Variants in CEP43 observed in about 807,000 individuals in gnomAD.
The protein encoded by CEP43 is FGFR1 oncogene partner.
In CEP43, 36 loss-of-function variants were observed where a neutral mutation model predicts 52.6. That is an observed-to-expected ratio of 0.68 (90% CI 0.52 to 0.90). The LOEUF is 0.90. CEP43 is among the 40% of genes least tolerant of loss of function. The pLI is 0.00. For synonymous variants in CEP43, 192 were observed against 172.4 expected (o/e 1.11, Z -0.89); for missense variants, 506 against 472.8 (o/e 1.07, Z -0.65).
At chr6:167,021,644 T>G (rs1170273046) in intron 7 of CEP43, among the ~76,000 whole-genome samples, 32 of 152,224 alleles carry the variant, frequency 2.1e-4, no homozygotes, top group Non-Finnish European at 4.7e-4. Flanking sequence ...AACATCACTC[T>G]GTATCCAAGG....
At chr6:167,020,319 A>C (rs1358961970) in intron 7 of CEP43, among the ~76,000 whole-genome samples, 5 of 152,246 alleles carry the variant, frequency 3.3e-5, no homozygotes, top group African/African-American at 1.2e-4. Context: ...CACAGCATAT[A>C]TCTTGCCTAC....
Position 167,022,417 on chromosome 6 carries a change from T to C in CEP43, c.588T>C (p.Asn196=). Residue 196 remains asparagine, a synonymous_variant, in exon 8 of 13, where the codon AAT becomes AAC. Coordinates refer to ENST00000366847, the MANE Select transcript of CEP43 (RefSeq NM_007045.4). ...SGQKAGDKKA[N]DEANQSDTSV... ...TTTCCCTCTCTTTCTAGAAGGCCAA[T>C]GATGAGGCCAATCAGAGTGATACAA... The C allele has an allele frequency of 6.2e-7, 1 of 1,611,980 alleles. No homozygotes were observed. Among genetic ancestry groups the C allele is most frequent in the Non-Finnish European group, 8.5e-7 (1 of 1,178,314 alleles).
intron 8 of CEP43, among the ~76,000 whole-genome samples, chr6:167,023,529 A>T (rs191135071): frequency 6.6e-6 from 1 of 152,290 alleles, no homozygotes; most frequent in East Asian, 1.9e-4. Context: ...GTTAGAGAAG[A>T]TTGCTAGTGG....
Position 167,022,468 on chromosome 6 carries a change from C to A in CEP43, c.639C>A (p.Ser213Arg), listed in dbSNP as rs1780259300. 2 of 1,613,970 alleles carry A rather than the reference C, an allele frequency of 1.2e-6. No individual in the cohort carries two copies. Among genetic ancestry groups the A allele is most frequent in the South Asian group, 2.2e-5 (2 of 91,080 alleles). Residue 213 changes from serine to arginine, a missense_variant, in exon 8 of 13, where the codon AGC becomes AGA. Coordinates refer to ENST00000366847, the MANE Select transcript of CEP43 (RefSeq NM_007045.4). The part of the protein sequence containing the change: ...DTSVSLSEPK[S>R]KSSLHLLSHE... ...GTGTCTCCTTGTCAGAACCCAAGAG[C>A]AAAAGCAGCCTTCACTTACTGTCCC...
intron 12 of CEP43, chr6:167,036,026 T>A: frequency 1.0e-6 from 1 of 980,542 alleles, no homozygotes; most frequent in Non-Finnish European, 1.2e-6. Context: ...GTAGTCACAA[T>A]AGACATTTCT....
At chr6:167,011,787 G>A (rs139636399) in intron 6 of CEP43, 2 of 152,466 alleles carry the variant, frequency 1.3e-5, no homozygotes, top group East Asian at 1.9e-4. Context: ...GTGTCCTCAC[G>A]TGGTGGAAAG....
chr6:167,014,100 T>C (rs571383330), intron 7 of CEP43, among the ~76,000 whole-genome samples: 16 of 152,378 alleles, frequency 1.1e-4, no homozygotes, highest in Non-Finnish European at 2.1e-4. Context: ...ATTCCTGTTG[T>C]GTTGGCAATT....
At chr6:167,012,368 T>A (rs1174564226) in intron 6 of CEP43, among the ~76,000 whole-genome samples, 1 of 148,422 alleles carries the variant, frequency 6.7e-6, no homozygotes, top group African/African-American at 2.5e-5. Flanking sequence ...TTTTTTAAAA[T>A]TTTTTTTTTC....
intron 7 of CEP43, 99 bp from the exon 8 acceptor site, chr6:167,022,310 C>CAA (rs1554275464): frequency 6.7e-6 from 5 of 743,752 alleles, no homozygotes; most frequent in East Asian, 2.7e-5. Flanking sequence ...GTTGCACACA[C>CAA]ACAGGTTTGA....
In CEP43 at chr6:167,042,775, T is replaced by G. The variant is rs758482241; in HGVS notation, c.*2797T>G. 1 of 143,992 alleles carries G rather than the reference T, an allele frequency of 6.9e-6. No individual in the cohort carries two copies. The highest frequency in any genetic ancestry group is 1.5e-5 in the Non-Finnish European group (1 of 65,110). The allele number at this position is 143,992 out of a possible 1,614,324, so 8.9% of individuals were successfully genotyped here. A position where few individuals can be genotyped will look rare whatever the true frequency, so the allele number is the denominator to read the frequency against. On this transcript the variant is annotated 3_prime_UTR_variant, in exon 13 of 13. Transcript: ENST00000366847. The stretch of plus-strand genomic sequence containing the variant: ...ACCACTTGCATTTACCCCTTTTATT[T>G]TATTCATCTCAGCATACTCTGAAAT...
At chr6:167,005,843 CT>C (rs1156688995) in intron 5 of CEP43, among the ~76,000 whole-genome samples, 1 of 152,210 alleles carries the variant, frequency 6.6e-6, no homozygotes, top group Non-Finnish European at 1.5e-5. Flanking sequence ...ACTCTCTTCT[CT>C]TTCTAACTGC....
At chr6:167,009,499 CAAAAAAAAAAAAAAAAA>C (rs139374939) in intron 5 of CEP43, among the ~76,000 whole-genome samples, 4 of 44,128 alleles carry the variant, frequency 9.1e-5, no homozygotes, top group Admixed American at 3.8e-4. Context: ...GACTCTGTCT[CAAAAAAAAAAAAAAAAA>C]AAAAAAAAAA....
intron 6 of CEP43, among the ~76,000 whole-genome samples, chr6:167,012,611 A>C (rs1780009782): frequency 6.6e-6 from 1 of 152,194 alleles, no homozygotes; most frequent in Non-Finnish European, 1.5e-5. Flanking sequence ...ACTGTTTTTA[A>C]AGCAAATTAG....
chr6:167,020,908 CAAAAAAA>C (rs147460349), intron 7 of CEP43, among the ~76,000 whole-genome samples: 20 of 79,034 alleles, frequency 2.5e-4, no homozygotes, highest in East Asian at 1.1e-3. Context: ...GACTCTGTCT[CAAAAAAA>C]AAAAAAAAAA....
intron 1 of CEP43, 77 bp downstream of exon 1, chr6:166,999,591 C>A (rs1173288688): frequency 9.2e-7 from 1 of 1,083,216 alleles, no homozygotes; most frequent in Non-Finnish European, 1.2e-6. Flanking sequence ...ACGGTCGCGG[C>A]GAGGAGGCCG....
In CEP43 at chr6:167,040,446, C is replaced by A; in HGVS notation, c.*468C>A. 1 of 1,218,208 alleles carries A rather than the reference C, an allele frequency of 8.2e-7. No homozygotes were observed. Among genetic ancestry groups the A allele is most frequent in the Non-Finnish European group, 1.0e-6 (1 of 973,896 alleles). The allele number at this position is 1,218,208 out of a possible 1,614,324, so 75.5% of individuals were successfully genotyped here. On this transcript the variant is annotated 3_prime_UTR_variant, in exon 13 of 13. Transcript: ENST00000366847. ...GTTCTACACATAGTTGGCAAAATGA[C>A]TTGGTAAATTTGTAATGCTGAAGTA...
At chr6:167,039,257 G>A (rs997166067) in intron 12 of CEP43, among the ~76,000 whole-genome samples, 32 of 152,072 alleles carry the variant, frequency 2.1e-4, no homozygotes, top group African/African-American at 7.0e-4. Flanking sequence ...AGCCTCCCAA[G>A]TAGCTGGGAC....
At chr6:167,020,840 C>T (rs761500216) in intron 7 of CEP43, among the ~76,000 whole-genome samples, 17 of 137,830 alleles carry the variant, frequency 1.2e-4, no homozygotes, top group East Asian at 6.9e-4. Context: ...ATCTGGGAGG[C>T]GGAGGTTGCA....
intron 11 of CEP43, among the ~76,000 whole-genome samples, chr6:167,033,605 G>A (rs1272323331): frequency 6.6e-6 from 1 of 152,010 alleles, no homozygotes; most frequent in Non-Finnish European, 1.5e-5. Flanking sequence ...AGATGAAATT[G>A]TAAAAATCTG....
Sources: allele counts gnomAD v4.1 joint callset (sites outside exome capture counted in the v4.1 genomes callset), GRCh38; gene constraint gnomAD v4.1.1; transcripts MANE v1.5; gene names NCBI Gene and HGNC (gene_info 2026-07-23, HGNC 2026-07-21).